The following TUB variants were observed in gnomAD, a reference collection of about 807,000 sequenced individuals.
TUB encodes TUB bipartite transcription factor.
TUB carries 33 observed loss-of-function variants against 59.7 expected under a neutral mutation model. The ratio of observed to expected loss-of-function variants is 0.55; its 90% confidence interval spans 0.42 to 0.74. The LOEUF (loss-of-function observed/expected upper bound fraction) is 0.74. Ranked by LOEUF, TUB falls within the 30% of genes least tolerant of loss-of-function variation. The pLI is 0.00. For synonymous variants in TUB, 293 were observed against 256.4 expected (o/e 1.14, Z -1.36); for missense variants, 659 against 672.0 (o/e 0.98, Z 0.21).
At chr11:8,092,080 AGAT>A (rs1445001456) in intron 3 of TUB, among the ~76,000 whole-genome samples, 2 of 152,260 alleles carry the variant, frequency 1.3e-5, no homozygotes, top group Admixed American at 1.3e-4. Flanking sequence ...GCTGTGTTCC[AGAT>A]GATGTCAGGA....
At chr11:8,044,581 C>T (rs192082441) in intron 2 of TUB, among the ~76,000 whole-genome samples, 257 of 152,306 alleles carry the variant, frequency 1.7e-3, no homozygotes, top group African/African-American at 5.9e-3. Flanking sequence ...ACACCAACAA[C>T]CAATTTGGCA....
chr11:8,036,208 C>A (rs1942643877), upstream of TUB: 1 of 152,062 alleles, frequency 6.6e-6, no homozygotes, highest in African/African-American at 2.4e-5. Flanking sequence ...GGTGGGAGGC[C>A]TGAGGGTCTC....
chr11:8,075,769 G>A (rs7124733), intron 2 of TUB: 26,444 of 151,982 alleles, frequency 0.17, 2,942 homozygotes, highest in African/African-American at 0.31. Flanking sequence ...TTCCCAGCAC[G>A]GTCTGCTGTA....
intron 2 of TUB, among the ~76,000 whole-genome samples, chr11:8,073,352 C>T (rs943119516): frequency 3.3e-5 from 5 of 152,184 alleles, no homozygotes; most frequent in African/African-American, 1.2e-4. Context: ...ACTGATTCCT[C>T]TTGTTGGAGA....
At chr11:8,097,182 T>G in intron 6 of TUB, 46 bp from the exon 7 acceptor site, 1 of 1,603,942 alleles carries the variant, frequency 6.2e-7, no homozygotes, top group Non-Finnish European at 8.5e-7. Flanking sequence ...CAATTTGGGC[T>G]GCTTAGGGTC....
Position 8,103,535 on chromosome 11 carries a change from C to G in TUB, c.*1916C>G, listed in dbSNP as rs1211599407. On this transcript the variant is annotated 3_prime_UTR_variant, in exon 12 of 12. Transcript: ENST00000299506. ...ATGCTTAAAGCAAGGCATACCTGTC[C>G]TAGCAGGATCTGCCCACACCTCGGC... The G allele has an allele frequency of 6.6e-6, 1 of 152,632 alleles. No individual in the cohort carries two copies. The highest frequency in any genetic ancestry group is 1.9e-4 in the East Asian group (1 of 5,194). The allele number at this position is 152,632 out of a possible 1,614,324, so 9.5% of individuals were successfully genotyped here.
rs756971579 is a variant in TUB at position 8,094,172 on chromosome 11, A to G, written c.380A>G (p.Lys127Arg). 6.2e-7 allele frequency: 1 copy of G among 1,613,358 alleles called. No individual in the cohort carries two copies. The highest frequency in any genetic ancestry group is 1.3e-5 in the African/African-American group (1 of 75,030). The change falls in exon 4 of 12, where the codon AAG becomes AGG. Residue 127 changes from lysine (K) to arginine (R), a missense_variant. By Grantham distance (26) the Lys-to-Arg change is conservative. Around this residue, in one of 3 missense-constraint regions of TUB, gnomAD observed 321 missense variants for 304.3 expected, o/e 1.05. Transcript: ENST00000299506. ...GGQGGAARKE[K>R]KGKHKGTSGP... ...CAGGGTGGCGCCGCTAGGAAGGAGA[A>G]GAAGGGAAAGCACAAAGGTCAGCTC...
intron 2 of TUB, among the ~76,000 whole-genome samples, chr11:8,051,076 A>G (rs1258029512): frequency 6.6e-6 from 1 of 152,170 alleles, no homozygotes; most frequent in Non-Finnish European, 1.5e-5. Flanking sequence ...CTCAGAGTGG[A>G]TGCTGAAAAT....
chr11:8,079,038 T>C (rs1943497829), upstream of TUB, among the ~76,000 whole-genome samples: 1 of 151,980 alleles, frequency 6.6e-6, no homozygotes, highest in African/African-American at 2.4e-5. Flanking sequence ...CTTCTGCACC[T>C]CACTCTGCCT....
chr11:8,067,348 C>T (rs1390989986), intron 2 of TUB: 1 of 152,242 alleles, frequency 6.6e-6, no homozygotes, highest in African/African-American at 2.4e-5. Flanking sequence ...TGTGTGAACT[C>T]AGCCAGTTGT....
At chr11:8,067,184 TC>T (rs2133788612) in intron 2 of TUB, among the ~76,000 whole-genome samples, 1 of 152,208 alleles carries the variant, frequency 6.6e-6, no homozygotes, top group South Asian at 2.1e-4. Context: ...GCTCCCCACC[TC>T]CTCCAGCAAG....
chr11:8,100,812 G>A lies in TUB; in HGVS notation c.1216-14G>A, dbSNP rs900488712. 9 of 1,613,204 alleles carry A rather than the reference G, an allele frequency of 5.6e-6. No homozygotes were observed. The highest frequency in any genetic ancestry group is 1.3e-5 in the African/African-American group (1 of 75,050). The stretch of plus-strand genomic sequence containing the variant: ...AAAGGCCTGGGCCTGGCTCAGGTGA[G>A]GCTGCCCTCCCAGGAGCATGAGACA... On this transcript the variant is annotated splice_polypyrimidine_tract_variant and intron_variant, in intron 10 of 11. Coordinates refer to ENST00000299506, the MANE Select transcript of TUB (RefSeq NM_177972.3).
At chr11:8,079,876 T>G (rs1243460701), upstream of TUB, among the ~76,000 whole-genome samples, 1 of 152,220 alleles carries the variant, frequency 6.6e-6, no homozygotes, top group Non-Finnish European at 1.5e-5. Context: ...TCCTCTGCTG[T>G]GAAATGGGTA....
At chr11:8,048,616 G>C (rs779599594) in intron 2 of TUB, among the ~76,000 whole-genome samples, 19 of 151,946 alleles carry the variant, frequency 1.3e-4, no homozygotes, top group Non-Finnish European at 2.6e-4. Context: ...ATGTTGCCCA[G>C]GCCAGTCTGG....
At chr11:8,046,230 C>A (rs1431659235) in intron 2 of TUB, among the ~76,000 whole-genome samples, 3 of 152,198 alleles carry the variant, frequency 2.0e-5, no homozygotes, top group Non-Finnish European at 4.4e-5. Flanking sequence ...TTGCCTTGCA[C>A]CACCTTTTGT....
chr11:8,101,792 T>A lies in TUB; in HGVS notation c.*173T>A. 58 of 1,165,904 alleles carry A rather than the reference T, an allele frequency of 5.0e-5. No homozygotes were observed. The highest frequency in any genetic ancestry group is 6.4e-5 in the Non-Finnish European group (55 of 855,950). 72.2% of individuals were successfully genotyped at this position (1,165,904 alleles called of 1,614,324 possible). A position where few individuals can be genotyped will look rare whatever the true frequency, so the allele number is the denominator to read the frequency against. On this transcript the variant is annotated 3_prime_UTR_variant, in exon 12 of 12. Coordinates refer to ENST00000299506, the MANE Select transcript of TUB (RefSeq NM_177972.3). ...GAACTGGCTCCTTTGCCTCTGCTACTGAGGCAGGGGAGTAGTGGAGAGCGG... is the reference window on the plus strand; with the variant it reads ...GAACTGGCTCCTTTGCCTCTGCTACAGAGGCAGGGGAGTAGTGGAGAGCGG...
At chr11:8,021,082 C>T (rs1458559586) in intron 1 of TUB, among the ~76,000 whole-genome samples, 2 of 152,226 alleles carry the variant, frequency 1.3e-5, no homozygotes. Flanking sequence ...AGATAACCTG[C>T]ATTCAAATCC....
At chr11:8,055,191 G>T (rs1252016267) in intron 2 of TUB, among the ~76,000 whole-genome samples, 1 of 152,212 alleles carries the variant, frequency 6.6e-6, no homozygotes, top group African/African-American at 2.4e-5. Flanking sequence ...GCATCAGCCT[G>T]GTGGGATCAG....
At position 8,094,140 on chromosome 11, in the gene TUB, A is replaced by T; in HGVS notation, c.348A>T (p.Ala116=). Residue 116 remains alanine (A), a synonymous_variant, in exon 4 of 12, where the codon GCA becomes GCT. Coordinates refer to ENST00000299506, the MANE Select transcript of TUB (RefSeq NM_177972.3). ...SAKRTKAAAT[A]GGQGGAARKE... is the part of the protein sequence containing the mutation. ...AGAGAACCAAGGCGGCAGCTACAGC[A>T]GGGGGCCAGGGTGGCGCCGCTAGGA... 1 of 1,614,110 alleles carries T rather than the reference A, an allele frequency of 6.2e-7. No homozygotes were observed. The highest frequency in any genetic ancestry group is 8.5e-7 in the Non-Finnish European group (1 of 1,179,988).
Sources: allele counts gnomAD v4.1 joint callset (sites outside exome capture counted in the v4.1 genomes callset), GRCh38; gene constraint gnomAD v4.1.1; regional missense constraint gnomAD v4.1.1; transcripts MANE v1.5; gene names NCBI Gene and HGNC (gene_info 2026-07-23, HGNC 2026-07-21).